BCL6: variants seen among roughly 807,000 people sequenced by gnomAD.
BCL6 encodes the protein B-cell lymphoma 6 protein.
In BCL6, 7 loss-of-function variants were observed where a neutral mutation model predicts 59.5. That is an observed-to-expected ratio of 0.12 (90% CI 0.07 to 0.22). BCL6 has a LOEUF of 0.22. Among genes scored for constraint, BCL6 ranks in the 10% least tolerant of loss-of-function variants. The pLI, the probability that BCL6 is intolerant of heterozygous loss-of-function variation, is 1.00. For missense variants in BCL6, 685 were observed against 939.4 expected, an observed-to-expected ratio of 0.73 and a Z score of 3.54; for synonymous variants, 339 against 349.7, an observed-to-expected ratio of 0.97 and a Z score of 0.34.
intron 1 of BCL6, among the ~76,000 whole-genome samples, chr3:187,744,665 C>T (rs1711805893): frequency 6.6e-6 from 1 of 152,030 alleles, no homozygotes; most frequent in Admixed American, 6.5e-5. Flanking sequence ...TCTAAAAGAC[C>T]GAGGCCGATG....
At chr3:187,724,167 C>T (rs1452713775) in intron 9 of BCL6, among the ~76,000 whole-genome samples, 1 of 152,184 alleles carries the variant, frequency 6.6e-6, no homozygotes, top group Non-Finnish European at 1.5e-5. Context: ...ATGTCATCAA[C>T]TCCTCAAAGC....
At position 187,722,375 on chromosome 3, in the gene BCL6, G is replaced by A; in HGVS notation, c.*83C>T. On this transcript the variant is annotated 3_prime_UTR_variant, in exon 10 of 10. Coordinates refer to ENST00000406870, the MANE Select transcript of BCL6 (RefSeq NM_001706.5). The stretch of plus-strand genomic sequence containing the variant: ...TGGATGAAAGAGGCACTACATCATG[G>A]GATGAACATTGTAAAGTGTTACAGT... 1.5e-6 allele frequency: 2 copies of A among 1,317,532 alleles called. No individual in the cohort carries two copies. Among genetic ancestry groups the A allele is most frequent in the Non-Finnish European group, 2.0e-6 (2 of 1,001,894 alleles). 81.6% of individuals were successfully genotyped at this position (1,317,532 alleles called of 1,614,324 possible).
At chr3:187,743,781 A>G (rs1711718448) in intron 1 of BCL6, among the ~76,000 whole-genome samples, 1 of 131,372 alleles carries the variant, frequency 7.6e-6, no homozygotes, top group African/African-American at 3.0e-5. Flanking sequence ...TGAGGCTCCA[A>G]CTCTACCCAC....
chr3:187,730,440 A>G (rs1718986063), intron 4 of BCL6, among the ~76,000 whole-genome samples: 1 of 152,252 alleles, frequency 6.6e-6, no homozygotes, highest in African/African-American at 2.4e-5. Flanking sequence ...CATTTTACAC[A>G]TAGGGAAACA....
intron 1 of BCL6, 34 bp downstream of exon 1, chr3:187,745,376 C>T (rs1711906245): frequency 1.5e-5 from 6 of 402,382 alleles, no homozygotes; most frequent in East Asian, 7.1e-5. Flanking sequence ...GCGGCAGTAG[C>T]AGCAGCAGCG....
chr3:187,734,783 C>T (rs1719213536), intron 2 of BCL6, 86 bp downstream of exon 2: 1 of 152,572 alleles, frequency 6.6e-6, no homozygotes, highest in South Asian at 2.1e-4. Context: ...TGAACAGTGG[C>T]AAAGTTCACA....
intron 1 of BCL6, among the ~76,000 whole-genome samples, chr3:187,743,681 C>T (rs1273973273): frequency 6.6e-6 from 1 of 152,090 alleles, no homozygotes; most frequent in African/African-American, 2.4e-5. Context: ...ACATTTACCA[C>T]GGTCACTACA....
At chr3:187,745,321 T>C (rs544385704) in intron 1 of BCL6, 89 bp downstream of exon 1, 2 of 400,900 alleles carry the variant, frequency 5.0e-6, no homozygotes, top group Non-Finnish European at 8.8e-6. Flanking sequence ...ATAATGATCA[T>C]GAGCAGCGGC....
intron 9 of BCL6, among the ~76,000 whole-genome samples, chr3:187,724,369 G>C (rs555735570): frequency 6.6e-6 from 1 of 152,060 alleles, no homozygotes; most frequent in African/African-American, 2.4e-5. Context: ...CCGAGACCCC[G>C]CCCTAGAACA....
chr3:187,743,699 G>T (rs967048220), intron 1 of BCL6, among the ~76,000 whole-genome samples: 23 of 152,072 alleles, frequency 1.5e-4, no homozygotes, highest in African/African-American at 5.5e-4. Context: ...ACATCCGGCA[G>T]CGGGGTGGCC....
chr3:187,745,116 A>G (rs1711868457), intron 1 of BCL6, among the ~76,000 whole-genome samples: 1 of 152,272 alleles, frequency 6.6e-6, no homozygotes, highest in South Asian at 2.1e-4. Context: ...TCACTCAAAG[A>G]CAACAATAAT....
intron 1 of BCL6, chr3:187,737,117 C>T (rs1442720149): frequency 6.6e-6 from 1 of 152,292 alleles, no homozygotes; most frequent in African/African-American, 2.4e-5. Flanking sequence ...GCCCCCAGAC[C>T]TGGACTTCCC....
rs1001749795 is a variant in BCL6, at chr3:187,729,925, A to G, written c.480T>C (p.Arg160=). ...GTGGCAGGTTGTTCTCCACCACCTC[A>G]CGACCCCGATAGGCCATGATGTCTT... ...MPQDIMAYRG[R]EVVENNLPLR... is the part of the protein sequence containing the mutation. Residue 160 remains arginine, a synonymous_variant, in exon 5 of 10, where the codon CGT becomes CGC. Transcript: ENST00000406870. The surrounding 1 kb of genome is among the most constrained non-coding windows in gnomAD (Gnocchi z 5.6). The G allele has an allele frequency of 1.2e-6, 2 of 1,614,020 alleles. No individual in the cohort carries two copies. Among genetic ancestry groups the G allele is most frequent in the Non-Finnish European group, 1.7e-6 (2 of 1,179,984 alleles).
Position 187,729,727 on chromosome 3 carries a change from C to G in BCL6, c.678G>C (p.Lys226Asn). Residue 226 changes from lysine to asparagine, a missense_variant, in exon 5 of 10, where the codon AAG (lysine) becomes AAC (asparagine). By Grantham distance (94) the Lys-to-Asn change is moderately conservative. Around this residue, in one of 7 missense-constraint regions of BCL6, gnomAD observed 268 missense variants for 263.8 expected, o/e 1.02. Coordinates refer to ENST00000406870, the MANE Select transcript of BCL6 (RefSeq NM_001706.5). The surrounding 1 kb of genome is among the most constrained non-coding windows in gnomAD (Gnocchi z 5.6). The stretch of plus-strand genomic sequence containing the variant: ...CACTATCACATGGGAGTGCCCGCTC[C>G]TTGGGGAAGGGGTTGGCCACAGGCA... ...VRMPVANPFP[K>N]ERALPCDSAR... 6.2e-7 allele frequency: 1 copy of G among 1,614,154 alleles called. No homozygotes were observed. Among genetic ancestry groups the G allele is most frequent in the Non-Finnish European group, 8.5e-7 (1 of 1,180,010 alleles).
chr3:187,745,362 GGCGGCGGCAGTAGCAGCAGCA>G (rs1711904956), intron 1 of BCL6, 27 bp downstream of exon 1: 3 of 402,122 alleles, frequency 7.5e-6, no homozygotes, highest in Non-Finnish European at 1.3e-5. Flanking sequence ...CAACAGCGGC[GGCGGCGGCAGTAGCAGCAGCA>G]GCGGCGGCAG....
rs1341531795 is a variant in BCL6, at chr3:187,729,716, A to C, written c.689T>G (p.Leu230Arg). 2.5e-6 allele frequency: 4 copies of C among 1,613,960 alleles called. No individual in the cohort carries two copies. The South Asian group carries it at 4.4e-5, about 18-fold the overall frequency. Residue 230 changes from leucine to arginine, a missense_variant, in exon 5 of 10, where the codon CTC (leucine) becomes CGC (arginine). Physicochemically the swap from Leu to Arg is moderately radical, Grantham distance 102. Around this residue, in one of 7 missense-constraint regions of BCL6, gnomAD observed 268 missense variants for 263.8 expected, o/e 1.02. Transcript: ENST00000406870. The surrounding 1 kb of genome is among the most constrained non-coding windows in gnomAD (Gnocchi z 5.6). The part of the protein sequence containing the change: ...VANPFPKERA[L>R]PCDSARPVPG... ...GACTGGCCTGGCACTATCACATGGG[A>C]GTGCCCGCTCCTTGGGGAAGGGGTT...
intron 1 of BCL6, among the ~76,000 whole-genome samples, chr3:187,742,956 A>G (rs1375302154): frequency 6.6e-6 from 1 of 152,122 alleles, no homozygotes; most frequent in Non-Finnish European, 1.5e-5. Context: ...TCTAGTGCCA[A>G]AGGCTCTTGG....
At chr3:187,740,703 T>C (rs1364863288) in intron 1 of BCL6, among the ~76,000 whole-genome samples, 1 of 151,986 alleles carries the variant, frequency 6.6e-6, no homozygotes, top group East Asian at 1.9e-4. Flanking sequence ...CAAAACAGAG[T>C]TGTACGTCCC....
At chr3:187,724,720 G>A (rs866524353) in intron 9 of BCL6, 1 of 594,726 alleles carries the variant, frequency 1.7e-6, no homozygotes. Context: ...TTTTAAAGAT[G>A]AGTCCCCTAA....
Sources: allele counts gnomAD v4.1 joint callset (sites outside exome capture counted in the v4.1 genomes callset), GRCh38; gene constraint gnomAD v4.1.1; regional missense constraint gnomAD v4.1.1; non-coding constraint Gnocchi (gnomAD v3.1); transcripts MANE v1.5; gene names NCBI Gene and HGNC (gene_info 2026-07-23, HGNC 2026-07-21).